Variants in RBM47 observed in about 807,000 individuals in gnomAD.
RBM47 encodes RNA binding motif protein 47.
In RBM47, 21 loss-of-function variants were observed where a neutral mutation model predicts 47.1. That is an observed-to-expected ratio of 0.45 (90% confidence interval 0.32 to 0.64). The LOEUF (loss-of-function observed/expected upper bound fraction) is 0.64, where lower values mean the gene tolerates loss of function less well. Ranked by LOEUF, RBM47 falls within the 30% of genes least tolerant of loss-of-function variation. The probability of loss-of-function intolerance (pLI) is 0.05; values close to 1 mark genes in which losing one functional copy is unlikely to be tolerated. For synonymous variants in RBM47, 375 were observed against 361.7 expected (o/e 1.04, Z -0.42); for missense variants, 708 against 870.9 (o/e 0.81, Z 2.35).
In RBM47 at chr4:40,436,623, C is replaced by A; in HGVS notation, c.1148G>T (p.Arg383Leu). 6.2e-7 allele frequency: 1 copy of A among 1,614,100 alleles called. No homozygotes were observed. The highest frequency in any genetic ancestry group is 8.5e-7 in the Non-Finnish European group (1 of 1,180,012). Residue 383 changes from arginine (R) to leucine (L), a missense_variant, in exon 5 of 7, where the codon CGA becomes CTA. Transcript: ENST00000295971. ...VKAGSIRGRG[R>L]GAAGNRAPGP... ...TGGGGCTCTGTTGCCAGCTGCACCTCGCCCTCGGCCTCTTATGCTGCCTGC... is the reference window on the plus strand; with the variant it reads ...TGGGGCTCTGTTGCCAGCTGCACCTAGCCCTCGGCCTCTTATGCTGCCTGC...
In RBM47 at chr4:40,507,550, A is replaced by C. The variant is rs192842451; in HGVS notation, c.-155+36872T>G. The stretch of plus-strand genomic sequence containing the variant: ...ACGCCTGTAATCCCAACACTTTGGG[A>C]GGCCGAGGCGGATGGATCATGAAGT... On this transcript the variant is annotated intron_variant, in intron 2 of 6. Transcript: ENST00000295971. 2.3e-3 allele frequency among the ~76,000 whole-genome samples: 345 copies of C among 152,308 alleles called. 1 individual carries two copies. The highest frequency in any genetic ancestry group is 7.7e-3 in the African/African-American group (320 of 41,576).
chr4:40,520,877 C>T (rs372241329), intron 2 of RBM47, among the ~76,000 whole-genome samples: 17 of 152,156 alleles, frequency 1.1e-4, no homozygotes, highest in South Asian at 2.1e-4. Context: ...GGACATCAAC[C>T]GCTAGACCAG....
intron 1 of RBM47, among the ~76,000 whole-genome samples, chr4:40,583,894 C>A (rs1402563554): frequency 6.7e-6 from 1 of 148,432 alleles, no homozygotes. Context: ...ACAAAAAAAC[C>A]AAAAAGCAGA....
Position 40,424,322 on chromosome 4 carries a change from C to T in RBM47, c.*1582G>A, listed in dbSNP as rs1293122545. 2.0e-5 allele frequency: 3 copies of T among 152,620 alleles called. No individual in the cohort carries two copies. The highest frequency in any genetic ancestry group is 7.2e-5 in the African/African-American group (3 of 41,452). 9.5% of individuals were successfully genotyped at this position (152,620 alleles called of 1,614,324 possible). ...CTTCCTTGATTGAGCCTTTAAAAAA[C>T]AATTCCAAGTTGATATTTTTTTTTA... On this transcript the variant is annotated 3_prime_UTR_variant, in exon 7 of 7. Coordinates refer to ENST00000295971, the MANE Select transcript of RBM47 (RefSeq NM_001098634.2).
intron 5 of RBM47, among the ~76,000 whole-genome samples, chr4:40,433,281 C>T (rs558054107): frequency 6.6e-6 from 1 of 152,096 alleles, no homozygotes; most frequent in Non-Finnish European, 1.5e-5. Context: ...TTTAAAACCA[C>T]GTTTAGAGGT....
intron 3 of RBM47, among the ~76,000 whole-genome samples, chr4:40,453,156 C>T (rs1453548054): frequency 6.6e-6 from 1 of 152,048 alleles, no homozygotes; most frequent in Non-Finnish European, 1.5e-5. Context: ...TTCTTAATAA[C>T]ATAATTAATA....
intron 1 of RBM47, among the ~76,000 whole-genome samples, chr4:40,564,737 T>A (rs1203531207): frequency 2.6e-5 from 4 of 152,246 alleles, no homozygotes; most frequent in African/African-American, 9.6e-5. Flanking sequence ...TGAGTTACTT[T>A]TTGAGACACA....
intron 2 of RBM47, among the ~76,000 whole-genome samples, chr4:40,510,352 T>C (rs1724760189): frequency 6.6e-6 from 1 of 152,316 alleles, no homozygotes; most frequent in East Asian, 1.9e-4. Flanking sequence ...ATCATCCCTG[T>C]CCTTCTCATT....
At chr4:40,437,474 G>A (rs1472548730) in intron 4 of RBM47, among the ~76,000 whole-genome samples, 5 of 152,110 alleles carry the variant, frequency 3.3e-5, no homozygotes, top group Non-Finnish European at 7.3e-5. Context: ...TAAGCACCAA[G>A]AGAATGGTGG....
At chr4:40,569,615 T>C (rs1411803886) in intron 1 of RBM47, among the ~76,000 whole-genome samples, 4 of 151,818 alleles carry the variant, frequency 2.6e-5, no homozygotes, top group Non-Finnish European at 5.9e-5. Context: ...TTTACCGTGT[T>C]AGCCAGGACG....
intron 2 of RBM47, among the ~76,000 whole-genome samples, chr4:40,487,577 C>A (rs576779741): frequency 2.0e-5 from 3 of 152,168 alleles, no homozygotes; most frequent in Non-Finnish European, 4.4e-5. Context: ...AGGCGTCAGC[C>A]CCCATGCTTG....
At chr4:40,618,986 C>T (rs1737004886) in intron 1 of RBM47, among the ~76,000 whole-genome samples, 2 of 152,130 alleles carry the variant, frequency 1.3e-5, no homozygotes, top group South Asian at 4.2e-4. Context: ...ACCCCCCATC[C>T]TCAGTCCTTC....
At chr4:40,590,474 C>A (rs1734030717) in intron 1 of RBM47, among the ~76,000 whole-genome samples, 1 of 152,150 alleles carries the variant, frequency 6.6e-6, no homozygotes, top group Non-Finnish European at 1.5e-5. Flanking sequence ...TGGGGGCCTC[C>A]TATTACCTGT....
intron 1 of RBM47, among the ~76,000 whole-genome samples, chr4:40,600,754 A>T: frequency 6.6e-6 from 1 of 151,884 alleles, no homozygotes; most frequent in East Asian, 1.9e-4. Context: ...TGGGAGGCCA[A>T]GGCGGGCTGA....
chr4:40,596,373 T>C (rs530530439), intron 1 of RBM47, among the ~76,000 whole-genome samples: 1 of 152,354 alleles, frequency 6.6e-6, no homozygotes, highest in South Asian at 2.1e-4. Context: ...TTTTATTCAC[T>C]TCCTGGTGCA....
chr4:40,589,962 T>G (rs2154274843), intron 1 of RBM47, among the ~76,000 whole-genome samples: 1 of 152,152 alleles, frequency 6.6e-6, no homozygotes, highest in Non-Finnish European at 1.5e-5. Context: ...ATCTTTCACT[T>G]TCCCCTTAAC....
At chr4:40,575,230 AGG>A (rs1231788824) in intron 1 of RBM47, among the ~76,000 whole-genome samples, 2 of 152,154 alleles carry the variant, frequency 1.3e-5, no homozygotes, top group African/African-American at 4.8e-5. Context: ...TAATTCACAA[AGG>A]GAATGTTATT....
chr4:40,425,649 A>G lies in RBM47; in HGVS notation c.*255T>C, dbSNP rs1358243995. On this transcript the variant is annotated 3_prime_UTR_variant, in exon 7 of 7. Coordinates refer to ENST00000295971, the MANE Select transcript of RBM47 (RefSeq NM_001098634.2). Reference sequence around the variant, plus strand: ...CTATACAAATGTAGTACAGCATACAAATTTTTAAAAGATGGAATGAAGGCA... The same window carrying G: ...CTATACAAATGTAGTACAGCATACAGATTTTTAAAAGATGGAATGAAGGCA... The G allele has an allele frequency of 6.9e-6, 3 of 436,318 alleles. No homozygotes were observed. The highest frequency in any genetic ancestry group is 1.2e-5 in the Non-Finnish European group (3 of 245,390). 27.0% of individuals were successfully genotyped at this position (436,318 alleles called of 1,614,324 possible). A position where few individuals can be genotyped will look rare whatever the true frequency, so the allele number is the denominator to read the frequency against.
At chr4:40,546,311 G>A (rs1003412055) in intron 1 of RBM47, among the ~76,000 whole-genome samples, 2 of 151,776 alleles carry the variant, frequency 1.3e-5, no homozygotes, top group East Asian at 1.9e-4. Context: ...CCACCACTCC[G>A]GGCTAATTTT....
Sources: allele counts gnomAD v4.1 joint callset (sites outside exome capture counted in the v4.1 genomes callset), GRCh38; gene constraint gnomAD v4.1.1; transcripts MANE v1.5; gene names NCBI Gene and HGNC (gene_info 2026-07-23, HGNC 2026-07-21).